The following IMMP2L variants were observed in gnomAD, a reference collection of about 807,000 sequenced individuals.
IMMP2L encodes mitochondrial inner membrane protease subunit 2.
IMMP2L carries 18 observed loss-of-function variants against 19.3 expected under a neutral mutation model. The observed-to-expected ratio is 0.93, with a 90% CI of 0.64 to 1.38. IMMP2L has a LOEUF of 1.38. IMMP2L is among the 40% of genes most tolerant of loss of function. IMMP2L has a pLI of 0.00. For missense variants in IMMP2L, 233 were observed against 218.2 expected, an observed-to-expected ratio of 1.07 and a Z score of -0.43; for synonymous variants, 76 against 73.0, an observed-to-expected ratio of 1.04 and a Z score of -0.21.
intron 3 of IMMP2L, among the ~76,000 whole-genome samples, chr7:111,414,827 T>TA (rs953203957): frequency 4.6e-5 from 7 of 151,872 alleles, no homozygotes; most frequent in Non-Finnish European, 5.9e-5. Flanking sequence ...TATTAATTTT[T>TA]AAAAAAACAC....
At chr7:110,917,010 G>A (rs1009252151) in intron 4 of IMMP2L, among the ~76,000 whole-genome samples, 1 of 152,162 alleles carries the variant, frequency 6.6e-6, no homozygotes. Context: ...CTCTATAGGT[G>A]TAACTTAATT....
intron 3 of IMMP2L, among the ~76,000 whole-genome samples, chr7:111,381,090 G>A (rs1261950010): frequency 1.3e-5 from 2 of 151,940 alleles, no homozygotes; most frequent in South Asian, 2.1e-4. Flanking sequence ...GAAACACCAC[G>A]CGAACTGTTG....
chr7:111,490,598 A>G (rs1389009570), intron 2 of IMMP2L, among the ~76,000 whole-genome samples: 1 of 150,698 alleles, frequency 6.6e-6, no homozygotes, highest in Admixed American at 6.6e-5. Flanking sequence ...TCAAGCACCA[A>G]TCATTATGTA....
chr7:110,832,038 C>T (rs1021504607), intron 5 of IMMP2L, among the ~76,000 whole-genome samples: 33 of 152,240 alleles, frequency 2.2e-4, no homozygotes, highest in African/African-American at 6.7e-4. Flanking sequence ...TTGAGGTGTG[C>T]GGATCACGAG....
At chr7:111,282,224 G>A (rs1819966768) in intron 3 of IMMP2L, among the ~76,000 whole-genome samples, 1 of 152,122 alleles carries the variant, frequency 6.6e-6, no homozygotes, top group African/African-American at 2.4e-5. Context: ...GACAGTATGA[G>A]GATCTCCACT....
intron 5 of IMMP2L, among the ~76,000 whole-genome samples, chr7:110,857,356 T>C (rs918632184): frequency 5.3e-5 from 8 of 152,244 alleles, no homozygotes; most frequent in Non-Finnish European, 8.8e-5. Context: ...TGATCCTGTA[T>C]AGTTCTCCCC....
chr7:111,421,273 T>C (rs1209870533), intron 3 of IMMP2L, among the ~76,000 whole-genome samples: 11 of 120,814 alleles, frequency 9.1e-5, no homozygotes, highest in East Asian at 7.9e-4. Context: ...TTTTCTTTTT[T>C]TTTTTTTTTT....
chr7:111,263,705 T>C (rs1466264008), intron 3 of IMMP2L, among the ~76,000 whole-genome samples: 3 of 152,088 alleles, frequency 2.0e-5, no homozygotes, highest in Admixed American at 2.0e-4. Flanking sequence ...CATGAACTGA[T>C]ACCTAGGGTG....
intron 3 of IMMP2L, among the ~76,000 whole-genome samples, chr7:111,083,397 G>C (rs1796047213): frequency 6.6e-6 from 1 of 152,044 alleles, no homozygotes; most frequent in Non-Finnish European, 1.5e-5. Flanking sequence ...AAACATTTTG[G>C]GGTTGAAAAA....
intron 3 of IMMP2L, among the ~76,000 whole-genome samples, chr7:111,134,226 G>GACTA (rs1802120101): frequency 6.6e-6 from 1 of 151,872 alleles, no homozygotes; most frequent in African/African-American, 2.4e-5. Context: ...AATTTCCTTA[G>GACTA]ACTATATTTT....
intron 5 of IMMP2L, among the ~76,000 whole-genome samples, chr7:110,693,889 G>A (rs1399288145): frequency 6.6e-6 from 1 of 152,138 alleles, no homozygotes; most frequent in Non-Finnish European, 1.5e-5. Flanking sequence ...GGTACTTGTG[G>A]TAGCAATAAT....
At chr7:111,308,183 T>TG (rs1245902837) in intron 3 of IMMP2L, among the ~76,000 whole-genome samples, 1 of 152,010 alleles carries the variant, frequency 6.6e-6, no homozygotes, top group African/African-American at 2.4e-5. Flanking sequence ...ATGTCTACAC[T>TG]GGCAGTACCC....
intron 3 of IMMP2L, among the ~76,000 whole-genome samples, chr7:111,053,000 G>A (rs547236757): frequency 2.0e-5 from 3 of 152,252 alleles, no homozygotes; most frequent in Non-Finnish European, 4.4e-5. Context: ...TAGCGGCAGC[G>A]AATCCATACA....
At chr7:111,077,806 G>A (rs1370666887) in intron 3 of IMMP2L, among the ~76,000 whole-genome samples, 2 of 152,100 alleles carry the variant, frequency 1.3e-5, no homozygotes, top group African/African-American at 2.4e-5. Context: ...TTCAGGCCTC[G>A]CGTCCTAACA....
chr7:111,082,938 G>C (rs977813779), intron 3 of IMMP2L, among the ~76,000 whole-genome samples: 1 of 150,192 alleles, frequency 6.7e-6, no homozygotes, highest in South Asian at 2.1e-4. Context: ...ACCTAAGCCT[G>C]TCCTATTCTT....
At chr7:111,287,405 G>A (rs991459850) in intron 3 of IMMP2L, among the ~76,000 whole-genome samples, 9 of 152,036 alleles carry the variant, frequency 5.9e-5, no homozygotes, top group Admixed American at 5.2e-4. Flanking sequence ...TAACTGCTAC[G>A]TAAAGCCACC....
chr7:110,745,721 A>G (rs1797290429), intron 5 of IMMP2L, among the ~76,000 whole-genome samples: 1 of 152,228 alleles, frequency 6.6e-6, no homozygotes, highest in African/African-American at 2.4e-5. Flanking sequence ...TGTCACCACC[A>G]GGCCTGCCCT....
At chr7:110,830,928 A>C (rs1803919247) in intron 5 of IMMP2L, among the ~76,000 whole-genome samples, 1 of 152,068 alleles carries the variant, frequency 6.6e-6, no homozygotes. Flanking sequence ...GCTTAGAACA[A>C]CTCAAGTCTA....
chr7:111,079,599 T>C (rs1795718298), intron 3 of IMMP2L, among the ~76,000 whole-genome samples: 1 of 152,202 alleles, frequency 6.6e-6, no homozygotes, highest in Non-Finnish European at 1.5e-5. Context: ...AGCACATGTG[T>C]GCTTGCATAT....
Sources: allele counts gnomAD v4.1 joint callset (sites outside exome capture counted in the v4.1 genomes callset), GRCh38; gene constraint gnomAD v4.1.1; transcripts MANE v1.5; gene names NCBI Gene and HGNC (gene_info 2026-07-23, HGNC 2026-07-21).